SRFBP1: variants seen among roughly 807,000 people sequenced by gnomAD.
SRFBP1 encodes the protein serum response factor binding protein 1.
A neutral mutation model predicts 45.5 loss-of-function variants in SRFBP1; 47 were observed. The ratio of observed to expected loss-of-function variants is 1.03; its 90% confidence interval spans 0.82 to 1.32. The LOEUF is 1.32. Ranked by LOEUF, SRFBP1 falls within the 40% of genes most tolerant of loss-of-function variation. The pLI, the probability that SRFBP1 is intolerant of heterozygous loss-of-function variation, is 0.00. For missense variants in SRFBP1, 621 were observed against 484.6 expected, an observed-to-expected ratio of 1.28 and a Z score of -2.64; for synonymous variants, 203 against 166.3, an observed-to-expected ratio of 1.22 and a Z score of -1.70.
At chr5:122,012,812 C>T (rs964658452) in intron 4 of SRFBP1, among the ~76,000 whole-genome samples, 20 of 152,054 alleles carry the variant, frequency 1.3e-4, no homozygotes, top group African/African-American at 4.8e-4. Context: ...AGTACTTGAA[C>T]ATAACTTGTG....
downstream of SRFBP1, chr5:122,077,955 C>G (rs370627614): frequency 2.6e-5 from 39 of 1,476,934 alleles, no homozygotes; most frequent in Non-Finnish European, 2.8e-5. The surrounding 1 kb of genome is among the most constrained non-coding windows in gnomAD (Gnocchi z 4.9). Context: ...TGCAAAGGCC[C>G]GAGCAGGAGC....
intron 3 of SRFBP1, among the ~76,000 whole-genome samples, chr5:121,988,483 A>C (rs542637221): frequency 6.6e-6 from 1 of 152,208 alleles, no homozygotes; most frequent in African/African-American, 2.4e-5. Flanking sequence ...AAAAATAGGC[A>C]TAATTCTAGG....
At chr5:122,070,383 T>C in intron 2 of SRFBP1, 1 of 675,440 alleles carries the variant, frequency 1.5e-6, no homozygotes, top group Non-Finnish European at 2.6e-6. Context: ...TATAAATAGT[T>C]TGAGGATGTA....
intron 3 of SRFBP1, 27 bp from the exon 4 acceptor site, chr5:121,994,572 A>G: frequency 6.6e-7 from 1 of 1,508,570 alleles, no homozygotes; most frequent in Middle Eastern, 1.7e-4. Flanking sequence ...CACATAACTA[A>G]AATTAATTTG....
At chr5:122,055,569 A>G (rs1299183123) in intron 2 of SRFBP1, among the ~76,000 whole-genome samples, 1 of 152,200 alleles carries the variant, frequency 6.6e-6, no homozygotes, top group Non-Finnish European at 1.5e-5. Flanking sequence ...AGTAAATTTG[A>G]TTAAATATAT....
rs747223583 is a variant in SRFBP1 at position 121,978,409 on chromosome 5, A to G, written c.198+3022A>G. Among the ~76,000 whole-genome samples the G allele has an allele frequency of 2.8e-4, 43 of 152,324 alleles. 1 individual carries two copies. The highest frequency in any genetic ancestry group is 2.7e-3 in the South Asian group (13 of 4,832). On this transcript the variant is annotated intron_variant, in intron 3 of 7. Transcript: ENST00000339397. ...TAAACATGAAACTTGCCATCTAGGA[A>G]AAAAAAGACTGAAAGATGTGCAACG...
At chr5:121,996,067 C>T (rs987104297) in intron 4 of SRFBP1, among the ~76,000 whole-genome samples, 8 of 150,700 alleles carry the variant, frequency 5.3e-5, no homozygotes, top group East Asian at 3.9e-4. Context: ...GACTCACAGC[C>T]GAATTCTACC....
intron 1 of SRFBP1, among the ~76,000 whole-genome samples, chr5:121,967,222 A>G (rs1049365245): frequency 6.6e-6 from 1 of 152,258 alleles, no homozygotes; most frequent in African/African-American, 2.4e-5. Flanking sequence ...ATTGTAAAAC[A>G]TAAGAATGTC....
intron 4 of SRFBP1, among the ~76,000 whole-genome samples, chr5:122,003,627 A>G (rs1233039716): frequency 1.3e-5 from 2 of 152,016 alleles, no homozygotes; most frequent in African/African-American, 2.4e-5. Flanking sequence ...TTGTTTTAGA[A>G]CCTCCATACT....
intron 4 of SRFBP1, among the ~76,000 whole-genome samples, chr5:122,018,614 C>T (rs557746371): frequency 3.9e-5 from 6 of 152,300 alleles, no homozygotes; most frequent in African/African-American, 1.4e-4. Context: ...GATGTATCAG[C>T]TTAGAGCTCA....
rs151320939 is a variant in SRFBP1, at chr5:122,052,065, G to A, written n.312-23250G>A. ...GGAAATTTTTTTCTTTAAGAATGCC[G>A]AATTAGACTACCAGTCTCTTCTGAG... On this transcript the variant is annotated intron_variant and non_coding_transcript_variant, in intron 2 of 2. Coordinates refer to the SRFBP1 transcript ENST00000504881. 3.4e-3 allele frequency among the ~76,000 whole-genome samples: 513 copies of A among 152,208 alleles called. 5 individuals carry two copies. Among genetic ancestry groups the A allele is most frequent in the African/African-American group, 0.011 (469 of 41,526 alleles).
intron 4 of SRFBP1, among the ~76,000 whole-genome samples, chr5:122,010,677 C>G (rs144709121): frequency 4.9e-4 from 74 of 151,086 alleles, no homozygotes; most frequent in African/African-American, 1.8e-3. Flanking sequence ...ATATAACATT[C>G]TGTATGTATG....
At chr5:121,993,596 A>T (rs1379267721) in intron 3 of SRFBP1, among the ~76,000 whole-genome samples, 1 of 152,140 alleles carries the variant, frequency 6.6e-6, no homozygotes, top group African/African-American at 2.4e-5. Flanking sequence ...TTTGAGTCTT[A>T]CTTTTCACTT....
intron 3 of SRFBP1, among the ~76,000 whole-genome samples, chr5:121,975,975 A>G (rs1752294419): frequency 6.6e-6 from 1 of 151,876 alleles, no homozygotes; most frequent in African/African-American, 2.4e-5. Context: ...ATGACATGAC[A>G]TTAAATGTCT....
intron 2 of SRFBP1, among the ~76,000 whole-genome samples, chr5:122,071,071 T>C (rs1213885350): frequency 6.6e-6 from 1 of 151,968 alleles, no homozygotes; most frequent in Non-Finnish European, 1.5e-5. Context: ...CATTATAACA[T>C]GCTATGTAAG....
chr5:122,013,186 C>T (rs1277024269), intron 4 of SRFBP1, among the ~76,000 whole-genome samples: 1 of 152,078 alleles, frequency 6.6e-6, no homozygotes, highest in Non-Finnish European at 1.5e-5. Flanking sequence ...GTCAAGCACT[C>T]ACTATGTCTG....
At chr5:122,072,173 T>C (rs764938233) in intron 2 of SRFBP1, among the ~76,000 whole-genome samples, 5 of 152,214 alleles carry the variant, frequency 3.3e-5, no homozygotes, top group African/African-American at 4.8e-5. Context: ...GTTTACATAA[T>C]GCTTCAGTGC....
chr5:122,052,035 T>C (rs1211778959), intron 2 of SRFBP1, among the ~76,000 whole-genome samples: 1 of 152,186 alleles, frequency 6.6e-6, no homozygotes, highest in African/African-American at 2.4e-5. Flanking sequence ...ATGAAATTTT[T>C]GGTTGGAAAT....
intron 4 of SRFBP1, among the ~76,000 whole-genome samples, chr5:122,002,056 A>G (rs1229854960): frequency 6.6e-6 from 1 of 152,248 alleles, no homozygotes; most frequent in East Asian, 1.9e-4. Context: ...TTTATTAAAT[A>G]CAACCTATAT....
Sources: allele counts gnomAD v4.1 joint callset (sites outside exome capture counted in the v4.1 genomes callset), GRCh38; gene constraint gnomAD v4.1.1; non-coding constraint Gnocchi (gnomAD v3.1); transcripts MANE v1.5; gene names NCBI Gene and HGNC (gene_info 2026-07-23, HGNC 2026-07-21).